Variants in FAM210B observed in about 807,000 individuals in gnomAD.
FAM210B encodes family with sequence similarity 210 member B.
Under a neutral mutation model 14.9 loss-of-function variants are expected in FAM210B, and 11 were observed. The ratio of observed to expected loss-of-function variants is 0.74; its 90% CI spans 0.46 to 1.22. The LOEUF is 1.22. Ranked by LOEUF, FAM210B falls within the 50% of genes most tolerant of loss-of-function variation. The probability of loss-of-function intolerance (pLI) is 0.00; values close to 1 mark genes in which losing one functional copy is unlikely to be tolerated. For missense variants in FAM210B, 229 were observed against 250.1 expected (o/e 0.92, Z 0.57); for synonymous variants, 113 against 110.2 (o/e 1.03, Z -0.16).
intron 1 of FAM210B, chr20:56,360,142 G>A: frequency 2.1e-6 from 1 of 466,600 alleles, no homozygotes; most frequent in South Asian, 1.6e-5. Flanking sequence ...CTTTCATCAT[G>A]CCTCCTGCCC....
At position 56,363,009 on chromosome 20, in the gene FAM210B, G is replaced by A. The variant is rs1283542227; in HGVS notation, c.187-2078G>A. Among the ~76,000 whole-genome samples, 1 of 152,196 alleles carries A rather than the reference G, an allele frequency of 6.6e-6. No individual in the cohort carries two copies. The highest frequency in any genetic ancestry group is 1.5e-5 in the Non-Finnish European group (1 of 68,036). The stretch of plus-strand genomic sequence containing the variant: ...GAGGTGGGTGGGGCTTGTTTATCAG[G>A]AAGAACCGATGCCCTCCACAGCCAT... On this transcript the variant is annotated intron_variant, in intron 1 of 2. Transcript: ENST00000371384. The surrounding 1 kb of genome is among the most constrained non-coding windows in gnomAD (Gnocchi z 4.1).
rs1983574505 is a variant in FAM210B, at chr20:56,363,577, G to C, written c.187-1510G>C. ...GGGACAAGCCCCAGGACTGTCCTTA[G>C]AGAAGTCTTTTGATTAAAGTGCTCT... On this transcript the variant is annotated intron_variant, in intron 1 of 2. Transcript: ENST00000371384. The surrounding 1 kb of genome is among the most constrained non-coding windows in gnomAD (Gnocchi z 4.1). Among the ~76,000 whole-genome samples, 2 of 152,224 alleles carry C rather than the reference G, an allele frequency of 1.3e-5. No individual in the cohort carries two copies. The highest frequency in any genetic ancestry group is 2.4e-5 in the African/African-American group (1 of 41,456).
rs111734239 is a variant in FAM210B at position 56,361,013 on chromosome 20, G to A, written c.186+1822G>A. Among the ~76,000 whole-genome samples, 697 of 152,326 alleles carry A rather than the reference G, an allele frequency of 4.6e-3. 6 individuals carry two copies. The highest frequency in any genetic ancestry group is 0.016 in the African/African-American group (665 of 41,562). On this transcript the variant is annotated intron_variant, in intron 1 of 2. Transcript: ENST00000371384. ...CAAAGAGGCCCACCCACGCTGCCTTGGCAGGGGGTCTCTGTAAGAGGGGTA... is the reference window on the plus strand; with the variant it reads ...CAAAGAGGCCCACCCACGCTGCCTTAGCAGGGGGTCTCTGTAAGAGGGGTA...
intron 1 of FAM210B, chr20:56,360,292 C>T (rs1405911856): frequency 2.1e-6 from 1 of 466,688 alleles, no homozygotes; most frequent in South Asian, 1.6e-5. Context: ...GTTCCTTCCT[C>T]CGGGAAGCCC....
rs751435785 is a variant in FAM210B, at chr20:56,366,223, T to A, written c.515T>A (p.Val172Glu). 6.2e-7 allele frequency: 1 copy of A among 1,614,230 alleles called. No homozygotes were observed. The highest frequency in any genetic ancestry group is 8.5e-7 in the Non-Finnish European group (1 of 1,180,046). The change falls in exon 3 of 3, where the codon GTG becomes GAG. Residue 172 changes from valine (V) to glutamate (E), a missense_variant. Val to Glu is a moderately radical substitution (Grantham distance 121). Around this residue, in one of 3 missense-constraint regions of FAM210B, gnomAD observed 53 missense variants for 55.4 expected, o/e 0.96. Transcript: ENST00000371384. ...PVRISITLVSVPLIVRYFRKV... is the reference protein window; with the variant it reads ...PVRISITLVSEPLIVRYFRKV... ...AGAATCAGCATTACGCTAGTCTCTG[T>A]GCCCTTGATTGTCAGATATTTTCGA...
chr20:56,365,977 C>A, intron 2 of FAM210B, 94 bp from the exon 3 acceptor site: 2 of 857,772 alleles, frequency 2.3e-6, no homozygotes, highest in Non-Finnish European at 3.4e-6. Context: ...TACTTCATTA[C>A]ATTTTTTAAA....
At chr20:56,360,169 T>G (rs1983504401) in intron 1 of FAM210B, 1 of 470,178 alleles carries the variant, frequency 2.1e-6, no homozygotes, top group Admixed American at 2.3e-5. Context: ...ACTTCCTTCC[T>G]TGCCTTCTCC....
chr20:56,366,320 T>C lies in FAM210B; in HGVS notation c.*33T>C. The C allele has an allele frequency of 6.3e-7, 1 of 1,598,198 alleles. No homozygotes were observed. Among genetic ancestry groups the C allele is most frequent in the Admixed American group, 1.7e-5 (1 of 59,782 alleles). ...TTCAGTCGTACACACTGAAAACCTA[T>C]TTCTTCTAAATTACATGATTTGGAT... On this transcript the variant is annotated 3_prime_UTR_variant, in exon 3 of 3. Coordinates refer to ENST00000371384, the MANE Select transcript of FAM210B (RefSeq NM_080821.3).
rs994084884 is a variant in FAM210B at position 56,359,313 on chromosome 20, C to G, written c.186+122C>G. 3 of 1,015,010 alleles carry G rather than the reference C, an allele frequency of 3.0e-6. No individual in the cohort carries two copies. The highest frequency in any genetic ancestry group is 4.5e-5 in the Admixed American group (1 of 22,110). 62.9% of individuals were successfully genotyped at this position (1,015,010 alleles called of 1,614,324 possible). Reference sequence around the variant, plus strand: ...CTTTGCACTTGTAGCTGCCCGGGACCGAGCTCTTCCAGGGTCCCCGAAACC... The same window carrying G: ...CTTTGCACTTGTAGCTGCCCGGGACGGAGCTCTTCCAGGGTCCCCGAAACC... On this transcript the variant is annotated intron_variant, in intron 1 of 2. Transcript: ENST00000371384. This position sits in a 1 kb window ranked among gnomAD's most constrained non-coding sequence, Gnocchi z 4.3.
At chr20:56,365,646 C>T (rs776975116) in intron 2 of FAM210B, among the ~76,000 whole-genome samples, 3 of 152,210 alleles carry the variant, frequency 2.0e-5, no homozygotes, top group Non-Finnish European at 4.4e-5. Flanking sequence ...GCTGGGACTA[C>T]AGTCGCATGC....
In FAM210B at chr20:56,362,789, A is replaced by G. The variant is rs1279558509; in HGVS notation, c.187-2298A>G. ...CCTTTTTATTTTTATTTTTTGGCCA[A>G]AAGTCCTTTTGCCAAAATAAAGACT... On this transcript the variant is annotated intron_variant, in intron 1 of 2. Coordinates refer to ENST00000371384, the MANE Select transcript of FAM210B (RefSeq NM_080821.3). This position sits in a 1 kb window ranked among gnomAD's most constrained non-coding sequence, Gnocchi z 4.8. Among the ~76,000 whole-genome samples, 2 of 152,310 alleles carry G rather than the reference A, an allele frequency of 1.3e-5. No individual in the cohort carries two copies. The highest frequency in any genetic ancestry group is 4.1e-4 in the South Asian group (2 of 4,826).
At position 56,366,390 on chromosome 20, in the gene FAM210B, G is replaced by A; in HGVS notation, c.*103G>A. 3 of 1,068,606 alleles carry A rather than the reference G, an allele frequency of 2.8e-6. No homozygotes were observed. The highest frequency in any genetic ancestry group is 1.5e-5 in the South Asian group (1 of 66,030). 66.2% of individuals were successfully genotyped at this position (1,068,606 alleles called of 1,614,324 possible). On this transcript the variant is annotated 3_prime_UTR_variant, in exon 3 of 3. Coordinates refer to ENST00000371384, the MANE Select transcript of FAM210B (RefSeq NM_080821.3). ...TTGTAGGGTTTCTTTTGGAGAGGTA[G>A]GGGGCTAATTGCTATGTTCTCATGG...
Position 56,362,895 on chromosome 20 carries a change from G to C in FAM210B, c.187-2192G>C, listed in dbSNP as rs370967757. 7.9e-5 allele frequency among the ~76,000 whole-genome samples: 12 copies of C among 152,380 alleles called. No homozygotes were observed. In the East Asian group the frequency reaches 2.3e-3, roughly 29 times the overall value. ...ATGGGGCCAGGTGTCAAGGGCATGG[G>C]TGTTTGGCCCTGCGAGGGGCTGTAG... On this transcript the variant is annotated intron_variant, in intron 1 of 2. Transcript: ENST00000371384. The surrounding 1 kb of genome is among the most constrained non-coding windows in gnomAD (Gnocchi z 4.8).
At position 56,366,920 on chromosome 20, in the gene FAM210B, T is replaced by C. The variant is rs1221914298; in HGVS notation, c.*633T>C. On this transcript the variant is annotated 3_prime_UTR_variant, in exon 3 of 3. Coordinates refer to ENST00000371384, the MANE Select transcript of FAM210B (RefSeq NM_080821.3). ...TGATGGGGCTGATTCCAGATGGTTTTTCTGAAATTTCATTAAGGTAGGTCA... is the reference window on the plus strand; with the variant it reads ...TGATGGGGCTGATTCCAGATGGTTTCTCTGAAATTTCATTAAGGTAGGTCA... 6.6e-6 allele frequency: 1 copy of C among 152,380 alleles called. No individual in the cohort carries two copies. The highest frequency in any genetic ancestry group is 1.5e-5 in the Non-Finnish European group (1 of 68,114). 9.4% of individuals were successfully genotyped at this position (152,380 alleles called of 1,614,324 possible).
In FAM210B at chr20:56,359,237, C is replaced by T; in HGVS notation, c.186+46C>T. On this transcript the variant is annotated intron_variant, in intron 1 of 2. Coordinates refer to ENST00000371384, the MANE Select transcript of FAM210B (RefSeq NM_080821.3). The surrounding 1 kb of genome is among the most constrained non-coding windows in gnomAD (Gnocchi z 4.3). ...CTGATCCCGGGCGGTGTCCAGGTCC[C>T]CAGACGTCCGCAGGGCCGCGCCGGG... 8.2e-7 allele frequency: 1 copy of T among 1,218,762 alleles called. No individual in the cohort carries two copies. The allele number at this position is 1,218,762 out of a possible 1,614,324, so 75.5% of individuals were successfully genotyped here. A position where few individuals can be genotyped will look rare whatever the true frequency, so the allele number is the denominator to read the frequency against.
In FAM210B at chr20:56,363,452, T is replaced by C. The variant is rs116639255; in HGVS notation, c.187-1635T>C. 0.011 allele frequency among the ~76,000 whole-genome samples: 1,675 copies of C among 152,224 alleles called. 29 individuals are homozygous for C. The highest frequency in any genetic ancestry group is 0.038 in the African/African-American group (1,598 of 41,522). On this transcript the variant is annotated intron_variant, in intron 1 of 2. Transcript: ENST00000371384. This position sits in a 1 kb window ranked among gnomAD's most constrained non-coding sequence, Gnocchi z 4.1. Reference sequence around the variant, plus strand: ...GACACTGAGGGTTTTCCTCAAATGTTCTAAAAAATCTTATGCCTCTAAAAA... The same window carrying C: ...GACACTGAGGGTTTTCCTCAAATGTCCTAAAAAATCTTATGCCTCTAAAAA...
In FAM210B at chr20:56,367,206, T is replaced by G. The variant is rs558061368; in HGVS notation, c.*919T>G. The stretch of plus-strand genomic sequence containing the variant: ...TCTTAAAAAGGAATATTCATAGCAC[T>G]TGTCACAAATAGAAGGCAACCATGA... On this transcript the variant is annotated 3_prime_UTR_variant, in exon 3 of 3. Transcript: ENST00000371384. 1 of 152,292 alleles carries G rather than the reference T, an allele frequency of 6.6e-6. No individual in the cohort carries two copies. Among genetic ancestry groups the G allele is most frequent in the South Asian group, 2.1e-4 (1 of 4,824 alleles). 9.4% of individuals were successfully genotyped at this position (152,292 alleles called of 1,614,324 possible).
Position 56,359,171 on chromosome 20 carries a change from G to T in FAM210B, c.166G>T (p.Gly56Trp). The T allele has an allele frequency of 8.1e-7, 1 of 1,236,982 alleles. No homozygotes were observed. The highest frequency in any genetic ancestry group is 1.0e-6 in the Non-Finnish European group (1 of 993,682). 76.6% of individuals were successfully genotyped at this position (1,236,982 alleles called of 1,614,324 possible). Residue 56 changes from glycine (G) to tryptophan (W), a missense_variant, in exon 1 of 3, where the codon GGG becomes TGG. Physicochemically the swap from Gly to Trp is radical, Grantham distance 184. This residue lies in a region of FAM210B where 144 missense variants were observed against 132.5 expected (regional missense o/e 1.09). Coordinates refer to ENST00000371384, the MANE Select transcript of FAM210B (RefSeq NM_080821.3). This position sits in a 1 kb window ranked among gnomAD's most constrained non-coding sequence, Gnocchi z 4.3. The part of the protein sequence containing the change: ...LDARLLRTAR[G>W]DCRGHQDPSQ... ...CGCCCGGCTGCTCCGCACGGCGCGCGGGGACTGCCGCGGCCACCAGGTAAG... is the reference window on the plus strand; with the variant it reads ...CGCCCGGCTGCTCCGCACGGCGCGCTGGGACTGCCGCGGCCACCAGGTAAG...
In FAM210B at chr20:56,362,504, G is replaced by A. The variant is rs904715991; in HGVS notation, c.187-2583G>A. On this transcript the variant is annotated intron_variant, in intron 1 of 2. Transcript: ENST00000371384. This position sits in a 1 kb window ranked among gnomAD's most constrained non-coding sequence, Gnocchi z 4.8. The stretch of plus-strand genomic sequence containing the variant: ...AAATTTTCCATTGCCTGCAAGTCAC[G>A]CCCTCATAAATTCTTTTATTTCAGC... Among the ~76,000 whole-genome samples, 16 of 152,120 alleles carry A rather than the reference G, an allele frequency of 1.1e-4. No homozygotes were observed. Among genetic ancestry groups the A allele is most frequent in the African/African-American group, 1.7e-4 (7 of 41,406 alleles).
Sources: allele counts gnomAD v4.1 joint callset (sites outside exome capture counted in the v4.1 genomes callset), GRCh38; gene constraint gnomAD v4.1.1; regional missense constraint gnomAD v4.1.1; non-coding constraint Gnocchi (gnomAD v3.1); transcripts MANE v1.5; gene names NCBI Gene and HGNC (gene_info 2026-07-23, HGNC 2026-07-21).